The following SPIDR variants were observed in gnomAD, a reference collection of about 807,000 sequenced individuals.
SPIDR encodes the protein DNA repair-scaffolding protein.
A neutral mutation model predicts 104.6 loss-of-function variants in SPIDR; 93 were observed. The ratio of observed to expected loss-of-function variants is 0.89; its 90% CI spans 0.75 to 1.06. The LOEUF is 1.06. Among genes scored for constraint, SPIDR ranks in the 50% least tolerant of loss-of-function variants. The pLI is 0.00. For missense variants in SPIDR, 1,154 were observed against 1,111.2 expected (o/e 1.04, Z -0.55); for synonymous variants, 431 against 416.9 (o/e 1.03, Z -0.41).
At chr8:47,534,916 A>G (rs1207484665) in intron 8 of SPIDR, among the ~76,000 whole-genome samples, 1 of 152,192 alleles carries the variant, frequency 6.6e-6, no homozygotes, top group African/African-American at 2.4e-5. Flanking sequence ...TTAAGAAAAA[A>G]GGAAAAAAGA....
intron 5 of SPIDR, among the ~76,000 whole-genome samples, chr8:47,335,449 T>G (rs1587201830): frequency 6.6e-6 from 1 of 152,282 alleles, no homozygotes; most frequent in East Asian, 1.9e-4. Context: ...TTTTTGTTTG[T>G]TTGTTTTGGT....
intron 11 of SPIDR, among the ~76,000 whole-genome samples, chr8:47,690,719 T>C (rs1354492701): frequency 6.6e-6 from 1 of 152,086 alleles, no homozygotes; most frequent in Non-Finnish European, 1.5e-5. Flanking sequence ...CTTTGGACGC[T>C]GAGGCAGGAC....
intron 10 of SPIDR, among the ~76,000 whole-genome samples, chr8:47,621,530 G>A (rs191681534): frequency 3.4e-4 from 51 of 152,226 alleles, no homozygotes; most frequent in East Asian, 3.1e-3. Flanking sequence ...TGACCTGAGC[G>A]TCTTTGAAGG....
chr8:47,384,966 C>A (rs1554647295), intron 5 of SPIDR, among the ~76,000 whole-genome samples: 1 of 152,108 alleles, frequency 6.6e-6, no homozygotes, highest in African/African-American at 2.4e-5. Context: ...CTCTTTTGTT[C>A]CTTCTCCCTC....
intron 7 of SPIDR, among the ~76,000 whole-genome samples, chr8:47,438,216 G>A (rs2068721944): frequency 6.6e-6 from 1 of 152,220 alleles, no homozygotes; most frequent in Non-Finnish European, 1.5e-5. Flanking sequence ...GAGAGCAGAA[G>A]TGGCCATGGA....
chr8:47,269,258 C>T (rs2034754210), intron 1 of SPIDR, among the ~76,000 whole-genome samples: 1 of 149,756 alleles, frequency 6.7e-6, no homozygotes, highest in Non-Finnish European at 1.5e-5. Context: ...CAGAGTGAGA[C>T]CATCTTTTTT....
At chr8:47,731,935 C>T (rs1028956303) in intron 19 of SPIDR, among the ~76,000 whole-genome samples, 3 of 152,212 alleles carry the variant, frequency 2.0e-5, no homozygotes, top group Admixed American at 6.5e-5. Flanking sequence ...CATGATAAAA[C>T]GAACCAAAAC....
intron 17 of SPIDR, 103 bp from the exon 18 acceptor site, chr8:47,728,830 T>G: frequency 7.3e-6 from 10 of 1,374,624 alleles, no homozygotes; most frequent in Non-Finnish European, 9.9e-6. Context: ...AGCCCCGTTT[T>G]CTAGCTCAGC....
At chr8:47,557,438 G>A (rs1245316688) in intron 8 of SPIDR, among the ~76,000 whole-genome samples, 2 of 152,178 alleles carry the variant, frequency 1.3e-5, no homozygotes, top group South Asian at 4.1e-4. Context: ...GATTATGAGC[G>A]TCATATGGCA....
chr8:47,453,527 C>T (rs1324742400), intron 8 of SPIDR, among the ~76,000 whole-genome samples: 1 of 152,076 alleles, frequency 6.6e-6, no homozygotes, highest in African/African-American at 2.4e-5. Flanking sequence ...AGATACAGAC[C>T]AATGGAACAG....
At chr8:47,624,897 A>G (rs985775853) in intron 10 of SPIDR, among the ~76,000 whole-genome samples, 1 of 152,240 alleles carries the variant, frequency 6.6e-6, no homozygotes, top group African/African-American at 2.4e-5. Flanking sequence ...TGAGGCCGGC[A>G]TCATCCTGAT....
chr8:47,638,963 G>A (rs1292971175), intron 10 of SPIDR, among the ~76,000 whole-genome samples: 1 of 152,180 alleles, frequency 6.6e-6, no homozygotes, highest in Non-Finnish European at 1.5e-5. Context: ...CTGGTGCCTA[G>A]ATACCATGGT....
At chr8:47,364,173 C>T (rs1188079410) in intron 5 of SPIDR, among the ~76,000 whole-genome samples, 4 of 152,192 alleles carry the variant, frequency 2.6e-5, no homozygotes, top group Non-Finnish European at 1.5e-5. Flanking sequence ...TTGCCTAGAA[C>T]AGTAACTGGT....
In SPIDR at chr8:47,598,894, G is replaced by A. The variant is rs373532740; in HGVS notation, c.1294-52G>A. 54 of 1,606,066 alleles carry A rather than the reference G, an allele frequency of 3.4e-5. No individual in the cohort carries two copies. In the African/African-American group the frequency reaches 5.2e-4, roughly 16 times the overall value. ...TGCAGCATGTTGCTTGTTGTTAGCC[G>A]AACTGAAACTTTGTGAGTCTTGAAA... On this transcript the variant is annotated intron_variant, in intron 9 of 19. Transcript: ENST00000297423.
chr8:47,588,028 T>TATAA (rs1156896664), intron 8 of SPIDR, among the ~76,000 whole-genome samples: 252 of 1,396 alleles, frequency 0.18, 81 homozygotes, highest in Non-Finnish European at 0.28. Context: ...AAAATTAGCA[T>TATAA]ATATATATAT....
At chr8:47,382,994 T>A (rs1255594804) in intron 5 of SPIDR, among the ~76,000 whole-genome samples, 1 of 152,218 alleles carries the variant, frequency 6.6e-6, no homozygotes, top group Non-Finnish European at 1.5e-5. Context: ...GGAGTCATTT[T>A]AACTCCTAGT....
intron 10 of SPIDR, among the ~76,000 whole-genome samples, chr8:47,625,508 C>T (rs1277893599): frequency 6.6e-6 from 1 of 152,216 alleles, no homozygotes; most frequent in Non-Finnish European, 1.5e-5. Flanking sequence ...AGCCCAAAAT[C>T]TCCTTAAGCT....
intron 8 of SPIDR, among the ~76,000 whole-genome samples, chr8:47,505,806 G>A (rs577933165): frequency 6.6e-5 from 10 of 152,248 alleles, no homozygotes; most frequent in Admixed American, 1.3e-4. Flanking sequence ...AGTGCCACCC[G>A]GGCTTCCCTA....
In SPIDR at chr8:47,627,059, T is replaced by TA. The variant is rs552587697; in HGVS notation, c.1544+27869dup. Among the ~76,000 whole-genome samples the TA allele has an allele frequency of 3.5e-3, 533 of 152,198 alleles. 7 individuals are homozygous for TA. Among genetic ancestry groups the TA allele is most frequent in the African/African-American group, 0.012 (506 of 41,538 alleles). ...TACACCATGGAATACTATGCAGCCA[T>TA]AAAAAATGATGAGTTCACGTCCTTT... is the stretch of plus-strand genomic sequence containing the variant. On this transcript the variant is annotated intron_variant, in intron 10 of 19. Transcript: ENST00000297423.
Sources: gnomAD v4.1 joint callset for allele counts (sites outside exome capture counted in the v4.1 genomes callset) on GRCh38, gnomAD v4.1.1 for gene constraint, MANE v1.5 for transcripts, NCBI Gene and HGNC (gene_info 2026-07-23, HGNC 2026-07-21) for gene names.